Variants in EXOC6B observed in about 807,000 individuals in gnomAD.
The protein encoded by EXOC6B is SEC15 homolog B.
EXOC6B carries 54 observed loss-of-function variants against 113.5 expected under a neutral mutation model. That is an observed-to-expected ratio of 0.48 (90% CI 0.38 to 0.60). The LOEUF (loss-of-function observed/expected upper bound fraction) is 0.60. EXOC6B is among the 20% of genes least tolerant of loss of function. The probability of loss-of-function intolerance (pLI) is 0.00; values close to 1 mark genes in which losing one functional copy is unlikely to be tolerated. For missense variants in EXOC6B, 797 were observed against 977.5 expected (o/e 0.82, Z 2.46); for synonymous variants, 357 against 339.0 (o/e 1.05, Z -0.58).
chr2:72,711,207 C>T (rs1046305340), intron 6 of EXOC6B, among the ~76,000 whole-genome samples: 4 of 151,794 alleles, frequency 2.6e-5, no homozygotes, highest in African/African-American at 4.8e-5. Context: ...TCACTTCAAA[C>T]TAAAGTCACT....
At chr2:72,209,223 CAAA>C (rs1170760516) in intron 20 of EXOC6B, among the ~76,000 whole-genome samples, 2,936 of 56,828 alleles carry the variant, frequency 0.052, 42 homozygotes, top group African/African-American at 0.13. Flanking sequence ...AACTCAGTCT[CAAA>C]AAAAAAAAAA....
chr2:72,184,216 G>T (rs1027154301), intron 20 of EXOC6B, 29 bp from the exon 21 acceptor site: 3 of 1,247,958 alleles, frequency 2.4e-6, no homozygotes, highest in Non-Finnish European at 1.1e-6. Flanking sequence ...CCACCCCAGG[G>T]ATTAGTCAGA....
chr2:72,428,739 A>C (rs1695353068), intron 18 of EXOC6B, among the ~76,000 whole-genome samples: 1 of 152,224 alleles, frequency 6.6e-6, no homozygotes, highest in South Asian at 2.1e-4. Flanking sequence ...AAGATCCCAT[A>C]ACAACAATAT....
intron 18 of EXOC6B, among the ~76,000 whole-genome samples, chr2:72,457,357 T>C (rs916937747): frequency 1.3e-5 from 2 of 152,068 alleles, no homozygotes; most frequent in African/African-American, 2.4e-5. Flanking sequence ...ATGTAGGAAA[T>C]AATTTTCTCT....
intron 20 of EXOC6B, among the ~76,000 whole-genome samples, chr2:72,332,627 G>C (rs1021034139): frequency 2.6e-5 from 4 of 152,030 alleles, no homozygotes; most frequent in African/African-American, 4.8e-5. Context: ...TAGGGTAGTG[G>C]AACCTCCTCA....
intron 1 of EXOC6B, among the ~76,000 whole-genome samples, chr2:72,800,484 A>C (rs1002391437): frequency 1.3e-5 from 2 of 152,228 alleles, no homozygotes; most frequent in Admixed American, 6.5e-5. Flanking sequence ...AACTTAAAAA[A>C]TGTTTCTTTT....
intron 1 of EXOC6B, among the ~76,000 whole-genome samples, chr2:72,776,554 T>C (rs1377102752): frequency 6.6e-6 from 1 of 151,896 alleles, no homozygotes; most frequent in Non-Finnish European, 1.5e-5. Context: ...GAGGTGGAGG[T>C]TGCAGTGAGC....
intron 11 of EXOC6B, among the ~76,000 whole-genome samples, chr2:72,510,348 C>T (rs1558746254): frequency 6.6e-6 from 1 of 151,806 alleles, no homozygotes; most frequent in African/African-American, 2.4e-5. Flanking sequence ...AATACTTTTA[C>T]TCACTATTTT....
chr2:72,225,337 C>T (rs1175938384), intron 20 of EXOC6B, among the ~76,000 whole-genome samples: 2 of 152,128 alleles, frequency 1.3e-5, no homozygotes, highest in Non-Finnish European at 2.9e-5. Context: ...TTAATGCTTA[C>T]TGAGCACTTG....
At chr2:72,402,278 A>G (rs1693391591) in intron 18 of EXOC6B, among the ~76,000 whole-genome samples, 1 of 152,312 alleles carries the variant, frequency 6.6e-6, no homozygotes, top group South Asian at 2.1e-4. Flanking sequence ...TTATCTTTAC[A>G]TAGTTGTCAC....
At chr2:72,682,248 T>C (rs1357841490) in intron 6 of EXOC6B, among the ~76,000 whole-genome samples, 1 of 152,154 alleles carries the variant, frequency 6.6e-6, no homozygotes, top group Non-Finnish European at 1.5e-5. Flanking sequence ...ACACAATGGC[T>C]CCAACCATTT....
chr2:72,479,764 A>C (rs551487673), intron 17 of EXOC6B, among the ~76,000 whole-genome samples: 1 of 152,240 alleles, frequency 6.6e-6, no homozygotes, highest in Admixed American at 6.5e-5. Context: ...TCTACCATCA[A>C]TCCTTCTTTT....
rs555154365 is a variant in EXOC6B at position 72,457,990 on chromosome 2, T to C, written c.1980+7170A>G. 2.0e-5 allele frequency among the ~76,000 whole-genome samples: 3 copies of C among 152,266 alleles called. No homozygotes were observed. The South Asian group carries it at 6.2e-4, about 32-fold the overall frequency. The stretch of plus-strand genomic sequence containing the variant: ...CACACACAAACACACTTCTGGACAC[T>C]GACGTATTCCGTTGGCTATGTTGCT... On this transcript the variant is annotated intron_variant, in intron 18 of 21. Coordinates refer to ENST00000272427, the MANE Select transcript of EXOC6B (RefSeq NM_015189.3).
intron 6 of EXOC6B, among the ~76,000 whole-genome samples, chr2:72,706,797 C>T (rs1306758767): frequency 1.3e-5 from 2 of 152,126 alleles, no homozygotes; most frequent in African/African-American, 4.8e-5. Flanking sequence ...GTGTCTATGA[C>T]CCCTTCCCTT....
Position 72,756,468 on chromosome 2 carries a change from T to G in EXOC6B, c.114-14999A>C, listed in dbSNP as rs867487753. On this transcript the variant is annotated intron_variant, in intron 1 of 21. Coordinates refer to ENST00000272427, the MANE Select transcript of EXOC6B (RefSeq NM_015189.3). ...AGAACATTAGCAGAAAAAAGTTACTTATAGTACCAACTCATATGAAAAGCA... is the reference window on the plus strand; with the variant it reads ...AGAACATTAGCAGAAAAAAGTTACTGATAGTACCAACTCATATGAAAAGCA... 9.9e-5 allele frequency among the ~76,000 whole-genome samples: 15 copies of G among 152,254 alleles called. 1 individual carries two copies. The highest frequency in any genetic ancestry group is 3.4e-3 in the Middle Eastern group (1 of 292).
At chr2:72,370,178 A>C (rs1191557068) in intron 19 of EXOC6B, among the ~76,000 whole-genome samples, 1 of 152,190 alleles carries the variant, frequency 6.6e-6, no homozygotes, top group South Asian at 2.1e-4. Flanking sequence ...AAAAACAAAC[A>C]ACCCCTTCAA....
chr2:72,444,132 G>A (rs1260004044), intron 18 of EXOC6B, among the ~76,000 whole-genome samples: 10 of 152,206 alleles, frequency 6.6e-5, no homozygotes, highest in Admixed American at 6.5e-4. Context: ...CATTCCAAGT[G>A]GGAGAAACTG....
chr2:72,393,923 A>G (rs972804283), intron 18 of EXOC6B, among the ~76,000 whole-genome samples: 37 of 152,168 alleles, frequency 2.4e-4, no homozygotes, highest in African/African-American at 8.7e-4. Context: ...AAAAATATAT[A>G]TAAAGATAAA....
In EXOC6B at chr2:72,341,334, T is replaced by C. The variant is rs189026561; in HGVS notation, c.2123-6314A>G. ...AAAAGAATAATATCCACAAATCATG[T>C]CTGACAAAGGACTAGTATCCAGAAC... On this transcript the variant is annotated intron_variant, in intron 19 of 21. Transcript: ENST00000272427. 1.8e-4 allele frequency among the ~76,000 whole-genome samples: 28 copies of C among 152,234 alleles called. No individual in the cohort carries two copies. In the East Asian group the frequency reaches 5.0e-3, roughly 27 times the overall value.
Sources: gnomAD v4.1 joint callset for allele counts (sites outside exome capture counted in the v4.1 genomes callset) on GRCh38, gnomAD v4.1.1 for gene constraint, MANE v1.5 for transcripts, NCBI Gene and HGNC (gene_info 2026-07-23, HGNC 2026-07-21) for gene names.